Variants in TENM3 observed in about 807,000 individuals in gnomAD.
TENM3 encodes the protein teneurin transmembrane protein 3, also known as teneurin-3.
In TENM3, 63 loss-of-function variants were observed where a neutral mutation model predicts 255.1. The ratio of observed to expected loss-of-function variants is 0.25; its 90% CI spans 0.20 to 0.30. The LOEUF is 0.30. TENM3 is among the 10% of genes least tolerant of loss of function. TENM3 has a pLI of 1.00. For synonymous variants in TENM3, 1,306 were observed against 1,322.3 expected (o/e 0.99, Z 0.27); for missense variants, 2,929 against 3,461.1 (o/e 0.85, Z 3.86).
At chr4:182,300,912 C>A (rs764813496) in intron 1 of TENM3, among the ~76,000 whole-genome samples, 1 of 152,120 alleles carries the variant, frequency 6.6e-6, no homozygotes, top group Non-Finnish European at 1.5e-5. Context: ...GCTGAAAAGA[C>A]CTTTGACCTC....
chr4:181,607,083 C>A, the TENM3 span, among the ~76,000 whole-genome samples: 1 of 152,196 alleles, frequency 6.6e-6, no homozygotes, highest in African/African-American at 2.4e-5. Flanking sequence ...AGTTATGCTT[C>A]GTACTAATGG....
chr4:182,344,988 C>T (rs1398070282), intron 2 of TENM3, among the ~76,000 whole-genome samples: 1 of 152,222 alleles, frequency 6.6e-6, no homozygotes, highest in Non-Finnish European at 1.5e-5. Flanking sequence ...GTTCAACGCA[C>T]AGGCGCTTTT....
At chr4:182,268,132 T>G (rs1213940787) in intron 1 of TENM3, among the ~76,000 whole-genome samples, 1 of 152,216 alleles carries the variant, frequency 6.6e-6, no homozygotes, top group Non-Finnish European at 1.5e-5. Flanking sequence ...TTACTTGAAA[T>G]AACTTTACTT....
At chr4:182,071,484 C>T in the TENM3 span, among the ~76,000 whole-genome samples, 20 of 139,488 alleles carry the variant, frequency 1.4e-4, no homozygotes, top group Admixed American at 1.1e-3. Flanking sequence ...CTTGCTCATT[C>T]GCCCATGCTG....
intron 1 of TENM3, among the ~76,000 whole-genome samples, chr4:182,215,983 C>G (rs531551815): frequency 5.3e-5 from 8 of 152,196 alleles, no homozygotes; most frequent in Non-Finnish European, 7.3e-5. Flanking sequence ...ACACTACCCC[C>G]TCTCCCAGCA....
intron 5 of TENM3, among the ~76,000 whole-genome samples, chr4:182,647,722 T>C (rs1490234548): frequency 6.6e-6 from 1 of 152,204 alleles, no homozygotes; most frequent in Non-Finnish European, 1.5e-5. Context: ...TTAATTTCAG[T>C]TCTTTCGGGT....
chr4:181,871,485 A>G, the TENM3 span, among the ~76,000 whole-genome samples: 1 of 152,006 alleles, frequency 6.6e-6, no homozygotes, highest in Non-Finnish European at 1.5e-5. Context: ...ATTTATGTAA[A>G]CAGTCATTTT....
At chr4:182,779,740 T>G (rs1371392206) in intron 24 of TENM3, among the ~76,000 whole-genome samples, 1 of 152,232 alleles carries the variant, frequency 6.6e-6, no homozygotes. Context: ...GACTTTTTAA[T>G]GATTGCCATT....
At chr4:181,788,934 C>T in the TENM3 span, among the ~76,000 whole-genome samples, 1 of 152,268 alleles carries the variant, frequency 6.6e-6, no homozygotes, top group East Asian at 1.9e-4. Flanking sequence ...ACCTGCATAG[C>T]ATGTAGCACA....
chr4:182,185,092 A>T (rs868779420), intron 1 of TENM3, among the ~76,000 whole-genome samples: 1 of 151,408 alleles, frequency 6.6e-6, no homozygotes, highest in African/African-American at 2.4e-5. Context: ...AAAAAAAAAA[A>T]TCTATTTTAT....
rs561230680 is a variant in TENM3, at chr4:182,446,904, C to T, written c.511+99975C>T. ...GTGACCCCCCACCCCCCTCAGAAGA[C>T]ACATGCATTGCATTGATTTGTGAAA... On this transcript the variant is annotated intron_variant, in intron 3 of 27. Transcript: ENST00000511685. 2.0e-5 allele frequency among the ~76,000 whole-genome samples: 3 copies of T among 151,506 alleles called. No individual in the cohort carries two copies. In the East Asian group the frequency reaches 5.9e-4, roughly 30 times the overall value.
At chr4:182,491,583 T>C (rs1027282850) in intron 3 of TENM3, among the ~76,000 whole-genome samples, 1 of 152,198 alleles carries the variant, frequency 6.6e-6, no homozygotes, top group African/African-American at 2.4e-5. Context: ...GTTTTCAAAT[T>C]TGTTGAAGGA....
At chr4:182,321,878 G>A (rs763067537) in intron 1 of TENM3, among the ~76,000 whole-genome samples, 1 of 148,252 alleles carries the variant, frequency 6.7e-6, no homozygotes, top group Non-Finnish European at 1.5e-5. Flanking sequence ...CCAGGAGGCG[G>A]AGGTTGCAGT....
chr4:181,992,934 T>C, the TENM3 span, among the ~76,000 whole-genome samples: 1 of 152,166 alleles, frequency 6.6e-6, no homozygotes, highest in South Asian at 2.1e-4. Context: ...ACCATGAAGC[T>C]TCATTAAAGT....
At chr4:181,815,248 T>A in the TENM3 span, among the ~76,000 whole-genome samples, 1 of 150,802 alleles carries the variant, frequency 6.6e-6, no homozygotes, top group Non-Finnish European at 1.5e-5. Context: ...GGTCAGGAGT[T>A]CGAGACCAGC....
At chr4:182,396,110 CAG>C (rs1768786886) in intron 3 of TENM3, among the ~76,000 whole-genome samples, 1 of 152,128 alleles carries the variant, frequency 6.6e-6, no homozygotes, top group Admixed American at 6.5e-5. Context: ...CTTTGAGACT[CAG>C]GGGTACCTGT....
intron 3 of TENM3, among the ~76,000 whole-genome samples, chr4:182,584,816 A>G (rs1052840534): frequency 4.6e-5 from 7 of 151,684 alleles, no homozygotes; most frequent in South Asian, 4.2e-4. Flanking sequence ...ATTTTTTTGT[A>G]TTTTTAGTAG....
the TENM3 span, among the ~76,000 whole-genome samples, chr4:181,751,696 G>GA: frequency 2.6e-5 from 4 of 152,124 alleles, no homozygotes; most frequent in Admixed American, 6.6e-5. Context: ...CATTGCTACA[G>GA]AAAAAATCCT....
At chr4:181,568,653 A>C in the TENM3 span, among the ~76,000 whole-genome samples, 2 of 151,996 alleles carry the variant, frequency 1.3e-5, no homozygotes, top group African/African-American at 2.4e-5. Flanking sequence ...GTGCTGACCT[A>C]TTTCTTTCTC....
Sources: gnomAD v4.1 joint callset for allele counts (sites outside exome capture counted in the v4.1 genomes callset) on GRCh38, gnomAD v4.1.1 for gene constraint, MANE v1.5 for transcripts, NCBI Gene and HGNC (gene_info 2026-07-23, HGNC 2026-07-21) for gene names.